Variants in ANO10 observed in about 807,000 individuals in gnomAD.
ANO10 encodes the protein anoctamin 10, also known as anoctamin-10.
A neutral mutation model predicts 74.7 loss-of-function variants in ANO10; 77 were observed. The observed-to-expected ratio is 1.03, with a 90% CI of 0.86 to 1.25. The LOEUF (loss-of-function observed/expected upper bound fraction) is 1.25. Among genes scored for constraint, ANO10 ranks in the 50% most tolerant of loss-of-function variants. The probability of loss-of-function intolerance (pLI) is 0.00; values close to 1 mark genes in which losing one functional copy is unlikely to be tolerated. For missense variants in ANO10, 721 were observed against 778.1 expected (o/e 0.93, Z 0.87); for synonymous variants, 279 against 284.9 (o/e 0.98, Z 0.21).
At chr3:43,377,729 T>C (rs946391634) in intron 12 of ANO10, among the ~76,000 whole-genome samples, 1 of 152,106 alleles carries the variant, frequency 6.6e-6, no homozygotes, top group Non-Finnish European at 1.5e-5. Flanking sequence ...CAAGCACAAG[T>C]GGCTGTTCCA....
intron 11 of ANO10, among the ~76,000 whole-genome samples, chr3:43,510,105 A>AT (rs1357721704): frequency 6.6e-6 from 1 of 152,120 alleles, no homozygotes; most frequent in Non-Finnish European, 1.5e-5. Flanking sequence ...GTGGTGGTAG[A>AT]TACATGAACC....
rs912673788 is a variant in ANO10, at chr3:43,366,040, G to C, written c.*866C>G. On this transcript the variant is annotated 3_prime_UTR_variant, in exon 13 of 13. Coordinates refer to ENST00000292246, the MANE Select transcript of ANO10 (RefSeq NM_018075.5). ...GGAGGTGGGCAGCACCACTGGGCAA[G>C]GAGGGCCCTTTTCTCTGCAAGCCCA... 3 of 152,820 alleles carry C rather than the reference G, an allele frequency of 2.0e-5. No individual in the cohort carries two copies. Among genetic ancestry groups the C allele is most frequent in the Admixed American group, 6.5e-5 (1 of 15,306 alleles). 9.5% of individuals were successfully genotyped at this position (152,820 alleles called of 1,614,324 possible). A position where few individuals can be genotyped will look rare whatever the true frequency, so the allele number is the denominator to read the frequency against.
chr3:43,403,177 A>G (rs2092514189), intron 12 of ANO10, among the ~76,000 whole-genome samples: 1 of 152,292 alleles, frequency 6.6e-6, no homozygotes, highest in South Asian at 2.1e-4. Context: ...TACACAGGAT[A>G]CAGCCACAGT....
chr3:43,622,379 CGGCAT>C (rs2083439146), upstream of ANO10, among the ~76,000 whole-genome samples: 1 of 152,134 alleles, frequency 6.6e-6, no homozygotes, highest in South Asian at 2.1e-4. Flanking sequence ...CGAGCCGGGG[CGGCAT>C]GTGGCTGGGC....
At chr3:43,475,021 T>C (rs139854640) in intron 11 of ANO10, among the ~76,000 whole-genome samples, 2 of 152,212 alleles carry the variant, frequency 1.3e-5, no homozygotes, top group East Asian at 1.9e-4. Flanking sequence ...CAAATCTTAA[T>C]AGCCAGAGAA....
intron 12 of ANO10, among the ~76,000 whole-genome samples, chr3:43,380,564 G>C (rs2091931810): frequency 1.3e-5 from 2 of 152,116 alleles, no homozygotes; most frequent in African/African-American, 4.8e-5. Flanking sequence ...AAAACAATTG[G>C]CCAAGAATTT....
chr3:43,480,719 C>A (rs1340950880), intron 11 of ANO10, among the ~76,000 whole-genome samples: 1 of 152,020 alleles, frequency 6.6e-6, no homozygotes, highest in Non-Finnish European at 1.5e-5. Context: ...GTGAACTGCC[C>A]AAATGGGAAG....
At chr3:43,400,144 T>C (rs534882346) in intron 12 of ANO10, among the ~76,000 whole-genome samples, 3 of 152,252 alleles carry the variant, frequency 2.0e-5, no homozygotes, top group Admixed American at 2.0e-4. Flanking sequence ...ACTCTTTTAT[T>C]TTCCAACATT....
At chr3:43,371,761 A>G (rs556350818) in intron 12 of ANO10, among the ~76,000 whole-genome samples, 15 of 152,344 alleles carry the variant, frequency 9.8e-5, no homozygotes, top group African/African-American at 3.6e-4. Context: ...TATTGAGGAC[A>G]TGCAGCTAGA....
In ANO10 at chr3:43,576,730, C is replaced by A; in HGVS notation, c.1124G>T (p.Arg375Leu). The A allele has an allele frequency of 6.2e-7, 1 of 1,614,094 alleles. No homozygotes were observed. ...IYAIVIEIMN[R>L]LYRYAAEFLT... is the part of the protein sequence containing the mutation. ...AAACTCGGCAGCATATCGATAGAGA[C>A]GATTCATGATCTCAATCACAATGGC... Residue 375 changes from arginine to leucine, a missense_variant, in exon 6 of 13, where the codon CGT (arginine) becomes CTT (leucine). Arg to Leu is a moderately radical substitution (Grantham distance 102). Coordinates refer to ENST00000292246, the MANE Select transcript of ANO10 (RefSeq NM_018075.5).
intron 12 of ANO10, among the ~76,000 whole-genome samples, chr3:43,404,596 C>A (rs1249481200): frequency 6.6e-6 from 1 of 152,072 alleles, no homozygotes; most frequent in Non-Finnish European, 1.5e-5. Flanking sequence ...AAATCTAATA[C>A]AGTGGCCAAG....
intron 11 of ANO10, among the ~76,000 whole-genome samples, chr3:43,468,686 T>A (rs2075726286): frequency 6.6e-6 from 1 of 151,424 alleles, no homozygotes; most frequent in South Asian, 2.1e-4. Flanking sequence ...TCCCTAAACA[T>A]CTCAGTGGGT....
intron 11 of ANO10, among the ~76,000 whole-genome samples, chr3:43,520,137 C>T (rs1482856199): frequency 1.3e-5 from 2 of 152,120 alleles, no homozygotes; most frequent in Non-Finnish European, 2.9e-5. Flanking sequence ...GTTATATGTG[C>T]CCCTTCCTGG....
chr3:43,410,897 T>C (rs949866559), intron 12 of ANO10, among the ~76,000 whole-genome samples: 14 of 152,020 alleles, frequency 9.2e-5, no homozygotes, highest in Admixed American at 7.9e-4. Context: ...TGATTCTAAG[T>C]GGTCTGAAGT....
intron 7 of ANO10, among the ~76,000 whole-genome samples, chr3:43,567,013 G>T (rs1368989272): frequency 2.6e-5 from 4 of 152,116 alleles, no homozygotes; most frequent in African/African-American, 9.7e-5. Flanking sequence ...TGAAAACCAA[G>T]GCTCGAGAAC....
chr3:43,533,422 C>T (rs959574547), intron 11 of ANO10, among the ~76,000 whole-genome samples: 2 of 152,164 alleles, frequency 1.3e-5, no homozygotes, highest in African/African-American at 4.8e-5. Context: ...CTCGAAAGCT[C>T]CCTAATCCAA....
intron 1 of ANO10, among the ~76,000 whole-genome samples, chr3:43,630,468 G>GA (rs201115900): frequency 1.4e-4 from 21 of 151,696 alleles, no homozygotes; most frequent in East Asian, 9.7e-4. Context: ...AATTCAGAGG[G>GA]AAAAAAAAGC....
At chr3:43,587,104 C>A (rs754296403) in intron 4 of ANO10, among the ~76,000 whole-genome samples, 3 of 150,768 alleles carry the variant, frequency 2.0e-5, no homozygotes, top group Non-Finnish European at 4.4e-5. Context: ...TATGTCCAAC[C>A]AAAAAAAAAT....
chr3:43,501,965 A>C (rs2077115955), intron 11 of ANO10, among the ~76,000 whole-genome samples: 1 of 152,152 alleles, frequency 6.6e-6, no homozygotes, highest in Admixed American at 6.5e-5. Flanking sequence ...TCCTTACCTC[A>C]CACCCATAGG....
Sources: gnomAD v4.1 joint callset for allele counts (sites outside exome capture counted in the v4.1 genomes callset) on GRCh38, gnomAD v4.1.1 for gene constraint, MANE v1.5 for transcripts, NCBI Gene and HGNC (gene_info 2026-07-23, HGNC 2026-07-21) for gene names.